Variants in WDR59 observed in about 807,000 individuals in gnomAD.
The protein encoded by WDR59 is GATOR2 complex protein WDR59.
A neutral mutation model predicts 131.2 loss-of-function variants in WDR59; 100 were observed. The observed-to-expected ratio is 0.76, with a 90% CI of 0.65 to 0.90. WDR59 has a LOEUF of 0.90. WDR59 is among the 40% of genes least tolerant of loss of function. The pLI, the probability that WDR59 is intolerant of heterozygous loss-of-function variation, is 0.00. For missense variants in WDR59, 1,203 were observed against 1,262.2 expected (o/e 0.95, Z 0.71); for synonymous variants, 601 against 466.2 (o/e 1.29, Z -3.72).
chr16:74,897,873 G>C (rs1965369395), intron 18 of WDR59, among the ~76,000 whole-genome samples: 1 of 152,290 alleles, frequency 6.6e-6, no homozygotes, highest in Middle Eastern at 3.4e-3. Context: ...AGGCTTCAGG[G>C]GTCACTTGGT....
chr16:74,942,410 C>T (rs1050153954), intron 7 of WDR59, among the ~76,000 whole-genome samples: 2 of 152,110 alleles, frequency 1.3e-5, no homozygotes, highest in African/African-American at 4.8e-5. Flanking sequence ...CGGCTTAACC[C>T]CACTGACACA....
At chr16:74,962,628 T>C (rs1176084606) in intron 2 of WDR59, among the ~76,000 whole-genome samples, 1 of 152,142 alleles carries the variant, frequency 6.6e-6, no homozygotes, top group Admixed American at 6.6e-5. Flanking sequence ...TTTTTGCACA[T>C]TGATTTTGTA....
chr16:74,972,026 T>C (rs1347427995), intron 1 of WDR59, among the ~76,000 whole-genome samples: 1 of 152,166 alleles, frequency 6.6e-6, no homozygotes, highest in East Asian at 1.9e-4. Flanking sequence ...TGCTTTTCCA[T>C]ACTGAAAAGT....
chr16:74,891,318 T>C (rs772828230), intron 20 of WDR59, among the ~76,000 whole-genome samples: 6 of 152,036 alleles, frequency 3.9e-5, no homozygotes, highest in Non-Finnish European at 7.4e-5. Flanking sequence ...TCGAGAAGCA[T>C]TAGGCATGCA....
intron 25 of WDR59, among the ~76,000 whole-genome samples, chr16:74,881,076 G>A (rs1324419671): frequency 2.6e-5 from 4 of 152,122 alleles, no homozygotes; most frequent in East Asian, 1.9e-4. Flanking sequence ...AAGACCAAGC[G>A]CATCATATAC....
At position 74,960,192 on chromosome 16, in the gene WDR59, A is replaced by G. The variant is rs369318560; in HGVS notation, c.105-3582T>C. Among the ~76,000 whole-genome samples, 38 of 152,094 alleles carry G rather than the reference A, an allele frequency of 2.5e-4. No homozygotes were observed. The East Asian group carries it at 6.4e-3, about 26-fold the overall frequency. On this transcript the variant is annotated intron_variant, in intron 2 of 25. Transcript: ENST00000262144. ...TAAAATACAAAAAAGTTAGCTGGGC[A>G]TGGCAGCGTGAGCCTGTAATCCCAG...
chr16:74,912,779 T>A (rs1966163781), intron 13 of WDR59, among the ~76,000 whole-genome samples: 1 of 152,356 alleles, frequency 6.6e-6, no homozygotes, highest in Admixed American at 6.5e-5. Context: ...GATTATAGAT[T>A]AACTAAAAGT....
chr16:74,941,063 G>A (rs1325469262), intron 7 of WDR59, among the ~76,000 whole-genome samples: 2 of 151,858 alleles, frequency 1.3e-5, no homozygotes, highest in Admixed American at 1.3e-4. Flanking sequence ...AAATAAAGAA[G>A]GCCAGGAGCA....
At chr16:74,954,321 T>A (rs1394423300) in intron 3 of WDR59, among the ~76,000 whole-genome samples, 2 of 152,072 alleles carry the variant, frequency 1.3e-5, no homozygotes, top group East Asian at 1.9e-4. Flanking sequence ...GGCAGGAGAA[T>A]CGCTTGAACC....
intron 8 of WDR59, among the ~76,000 whole-genome samples, chr16:74,928,247 T>A (rs1456144325): frequency 6.7e-6 from 1 of 149,140 alleles, no homozygotes; most frequent in Non-Finnish European, 1.5e-5. Flanking sequence ...AGAATCTCAC[T>A]TTGCAGCCCA....
At chr16:74,910,394 G>A (rs778109612) in intron 14 of WDR59, among the ~76,000 whole-genome samples, 1 of 152,144 alleles carries the variant, frequency 6.6e-6, no homozygotes, top group Non-Finnish European at 1.5e-5. Context: ...GGTTAAAACA[G>A]GATTCACTCC....
In WDR59 at chr16:74,893,676, T is replaced by C; in HGVS notation, c.2000+3A>G. 2 of 1,613,992 alleles carry C rather than the reference T, an allele frequency of 1.2e-6. No individual in the cohort carries two copies. Among genetic ancestry groups the C allele is most frequent in the Non-Finnish European group, 1.7e-6 (2 of 1,179,926 alleles). On this transcript the variant is annotated splice_donor_region_variant and intron_variant, in intron 19 of 25. Coordinates refer to ENST00000262144, the MANE Select transcript of WDR59 (RefSeq NM_030581.4). Reference sequence around the variant, plus strand: ...TGCAGCAGACTTGAAATTTTGTACTTACATGTACAGCTCTCCCAGCGATTT... The same window carrying C: ...TGCAGCAGACTTGAAATTTTGTACTCACATGTACAGCTCTCCCAGCGATTT...
chr16:74,964,391 AG>A (rs2033682514), intron 2 of WDR59, among the ~76,000 whole-genome samples: 1 of 151,380 alleles, frequency 6.6e-6, no homozygotes, highest in Non-Finnish European at 1.5e-5. Flanking sequence ...AAAAAAAAAA[AG>A]AGCAGGGAGC....
intron 18 of WDR59, among the ~76,000 whole-genome samples, chr16:74,894,297 A>T (rs1965184586): frequency 6.6e-6 from 1 of 152,202 alleles, no homozygotes; most frequent in Admixed American, 6.5e-5. Flanking sequence ...GTAGGAAAAC[A>T]GAGAAACTTT....
rs762288713 is a variant in WDR59 at position 74,906,313 on chromosome 16, C to CAAAAAAAAAAA, written c.1713-2224_1713-2214dup. Among the ~76,000 whole-genome samples the CAAAAAAAAAAA allele has an allele frequency of 2.6e-3, 83 of 32,456 alleles. 24 individuals carry two copies. The highest frequency in any genetic ancestry group is 2.4e-3 in the Non-Finnish European group (46 of 18,834). 21.3% of individuals were successfully genotyped at this position (32,456 alleles called of 152,430 possible). On this transcript the variant is annotated intron_variant, in intron 17 of 25. Transcript: ENST00000262144. ...TGAGCGACAGAGCAAGACTCCGTCT[C>CAAAAAAAAAAA]AAAAAAAAAAAAACCCACAGTGAGA...
intron 25 of WDR59, among the ~76,000 whole-genome samples, chr16:74,879,855 G>C (rs1964395141): frequency 6.6e-6 from 1 of 152,030 alleles, no homozygotes; most frequent in African/African-American, 2.4e-5. Context: ...CCACACAAAG[G>C]CCTTTTCTTT....
chr16:74,949,330 C>CAAAA (rs550013099), intron 5 of WDR59, among the ~76,000 whole-genome samples: 135 of 40,828 alleles, frequency 3.3e-3, no homozygotes, highest in Non-Finnish European at 4.5e-3. Flanking sequence ...TACCTTGTCT[C>CAAAA]AAAAAAAAAA....
At chr16:74,955,646 A>C (rs1403766706) in intron 3 of WDR59, among the ~76,000 whole-genome samples, 1 of 152,194 alleles carries the variant, frequency 6.6e-6, no homozygotes, top group East Asian at 1.9e-4. Context: ...GTTCCTTCTC[A>C]AGCTGACAAA....
chr16:74,885,448 C>CA (rs397855343), intron 25 of WDR59, among the ~76,000 whole-genome samples: 25,712 of 62,052 alleles, frequency 0.41, 7,309 homozygotes, highest in Middle Eastern at 0.51. Context: ...GATTCCATCT[C>CA]AAAAAAAAAA....
Sources: gnomAD v4.1 joint callset for allele counts (sites outside exome capture counted in the v4.1 genomes callset) on GRCh38, gnomAD v4.1.1 for gene constraint, MANE v1.5 for transcripts, NCBI Gene and HGNC (gene_info 2026-07-23, HGNC 2026-07-21) for gene names.